The following BICC1 variants were observed in gnomAD, a reference collection of about 807,000 sequenced individuals.
BICC1 encodes the protein BicC family RNA binding protein 1.
In BICC1, 43 loss-of-function variants were observed where a neutral mutation model predicts 111.0. The ratio of observed to expected loss-of-function variants is 0.39; its 90% CI spans 0.30 to 0.50. The LOEUF is 0.50. Ranked by LOEUF, BICC1 falls within the 20% of genes least tolerant of loss-of-function variation. The probability of loss-of-function intolerance (pLI) is 0.88; values close to 1 mark genes in which losing one functional copy is unlikely to be tolerated. For synonymous variants in BICC1, 467 were observed against 434.4 expected, an observed-to-expected ratio of 1.07 and a Z score of -0.93; for missense variants, 1,091 against 1,203.2, an observed-to-expected ratio of 0.91 and a Z score of 1.38.
chr10:58,822,629 T>A (rs2132980429), intron 20 of BICC1, among the ~76,000 whole-genome samples: 1 of 152,286 alleles, frequency 6.6e-6, no homozygotes, highest in African/African-American at 2.4e-5. Context: ...AAGGACTTGA[T>A]TATTTTAAGA....
rs147531754 is a variant in BICC1, at chr10:58,557,378, GAGCTTCTTGGATTTAT to G, written c.190+44051_190+44066del. ...TTTCATGTGTTCAGTGGAGTTCATT[GAGCTTCTTGGATTTAT>G]AGCTTTATTGTTTTCATTAGATTTG... On this transcript the variant is annotated intron_variant, in intron 1 of 20. Coordinates refer to ENST00000373886, the MANE Select transcript of BICC1 (RefSeq NM_001080512.3). 5.7e-3 allele frequency among the ~76,000 whole-genome samples: 842 copies of G among 148,948 alleles called. 7 individuals are homozygous for G. Among genetic ancestry groups the G allele is most frequent in the African/African-American group, 0.02 (804 of 40,616 alleles).
chr10:58,527,637 A>G (rs1842579849), intron 1 of BICC1, among the ~76,000 whole-genome samples: 1 of 152,156 alleles, frequency 6.6e-6, no homozygotes, highest in South Asian at 2.1e-4. Flanking sequence ...AGCTTTCTAC[A>G]TACGGCTAGC....
At chr10:58,681,342 G>C (rs1300784417) in intron 2 of BICC1, among the ~76,000 whole-genome samples, 1 of 152,152 alleles carries the variant, frequency 6.6e-6, no homozygotes, top group East Asian at 1.9e-4. Context: ...CAAAAAGTGG[G>C]TGAAGGATAT....
chr10:58,707,282 A>G (rs1038648968), intron 3 of BICC1, among the ~76,000 whole-genome samples: 1 of 152,198 alleles, frequency 6.6e-6, no homozygotes, highest in Non-Finnish European at 1.5e-5. Flanking sequence ...TTTGTTGAGT[A>G]TGCTTACACT....
At chr10:58,672,180 C>T (rs1839205061) in intron 2 of BICC1, among the ~76,000 whole-genome samples, 1 of 152,126 alleles carries the variant, frequency 6.6e-6, no homozygotes, top group African/African-American at 2.4e-5. Flanking sequence ...TCATCACCAT[C>T]CATCTCCAGA....
chr10:58,825,741 A>G (rs112170061), intron 20 of BICC1, among the ~76,000 whole-genome samples: 1 of 152,224 alleles, frequency 6.6e-6, no homozygotes, highest in Admixed American at 6.5e-5. Context: ...TAATCTCTCC[A>G]GTAAGTTGCA....
intron 2 of BICC1, among the ~76,000 whole-genome samples, chr10:58,669,272 AGGATTTT>A (rs1356764245): frequency 6.6e-6 from 1 of 151,980 alleles, no homozygotes; most frequent in African/African-American, 2.4e-5. Flanking sequence ...TGGGTTCCAA[AGGATTTT>A]GGATTTTGGA....
chr10:58,535,562 C>T (rs1341964150), intron 1 of BICC1, among the ~76,000 whole-genome samples: 2 of 151,690 alleles, frequency 1.3e-5, no homozygotes, highest in Non-Finnish European at 3.0e-5. Context: ...ACCAATGTTA[C>T]AAGAAATGCT....
intron 2 of BICC1, among the ~76,000 whole-genome samples, chr10:58,671,333 C>A (rs1029071373): frequency 6.6e-6 from 1 of 152,144 alleles, no homozygotes; most frequent in African/African-American, 2.4e-5. Context: ...ACCTCAGTAA[C>A]CCAAGATTCT....
rs553718735 is a variant in BICC1 at position 58,668,694 on chromosome 10, A to G, written c.238-33380A>G. On this transcript the variant is annotated intron_variant, in intron 2 of 20. Coordinates refer to ENST00000373886, the MANE Select transcript of BICC1 (RefSeq NM_001080512.3). ...CGTTACTTCATTTTGGGCCAGTTAC[A>G]GTAAACCAGAACCTAGGAACTTGCA... is the stretch of plus-strand genomic sequence containing the variant. Among the ~76,000 whole-genome samples the G allele has an allele frequency of 2.2e-4, 33 of 152,230 alleles. No individual in the cohort carries two copies. The South Asian group carries it at 6.8e-3, about 32-fold the overall frequency.
chr10:58,762,504 GT>G (rs1842343898), intron 3 of BICC1, among the ~76,000 whole-genome samples: 1 of 152,058 alleles, frequency 6.6e-6, no homozygotes, highest in Non-Finnish European at 1.5e-5. Flanking sequence ...TTTTTTGTTT[GT>G]TTGTTTGTTT....
chr10:58,612,250 G>T (rs1178931945), intron 1 of BICC1, among the ~76,000 whole-genome samples: 1 of 152,160 alleles, frequency 6.6e-6, no homozygotes. Context: ...TCAGAGCTTT[G>T]CATGCCATTC....
At chr10:58,769,307 CAT>C (rs1258386354) in intron 3 of BICC1, among the ~76,000 whole-genome samples, 72 of 130,256 alleles carry the variant, frequency 5.5e-4, no homozygotes, top group African/African-American at 1.8e-3. Flanking sequence ...CACACACACA[CAT>C]GCACACGCAC....
At chr10:58,788,950 G>A (rs1843093108) in intron 6 of BICC1, among the ~76,000 whole-genome samples, 1 of 152,058 alleles carries the variant, frequency 6.6e-6, no homozygotes, top group Non-Finnish European at 1.5e-5. Context: ...AAATTAGCCA[G>A]GTATGGTGGC....
chr10:58,526,823 A>G (rs953307000), intron 1 of BICC1, among the ~76,000 whole-genome samples: 13 of 152,120 alleles, frequency 8.5e-5, no homozygotes, highest in Admixed American at 7.9e-4. Flanking sequence ...AATTCAGTCT[A>G]TCATTGATGG....
At chr10:58,573,312 A>G (rs901674317) in intron 1 of BICC1, among the ~76,000 whole-genome samples, 1 of 152,152 alleles carries the variant, frequency 6.6e-6, no homozygotes, top group Non-Finnish European at 1.5e-5. Flanking sequence ...TTCATCCAAC[A>G]CAAACTCCAA....
intron 9 of BICC1, among the ~76,000 whole-genome samples, chr10:58,794,077 A>G (rs750838143): frequency 2.6e-5 from 4 of 152,060 alleles, no homozygotes; most frequent in Non-Finnish European, 2.9e-5. Flanking sequence ...GTTAAATGAG[A>G]AGGAAAGAAC....
intron 10 of BICC1, among the ~76,000 whole-genome samples, chr10:58,796,977 G>A (rs1843376136): frequency 1.3e-5 from 2 of 152,140 alleles, no homozygotes; most frequent in Non-Finnish European, 2.9e-5. Flanking sequence ...ATCTCCAGTG[G>A]TTAGGCCTGC....
intron 3 of BICC1, among the ~76,000 whole-genome samples, chr10:58,764,550 A>G (rs1273487255): frequency 1.3e-5 from 2 of 152,142 alleles, no homozygotes; most frequent in Non-Finnish European, 2.9e-5. Flanking sequence ...CAGAAGGAAA[A>G]TGACCTGAGT....
Sources: gnomAD v4.1 joint callset for allele counts (sites outside exome capture counted in the v4.1 genomes callset) on GRCh38, gnomAD v4.1.1 for gene constraint, MANE v1.5 for transcripts, NCBI Gene and HGNC (gene_info 2026-07-23, HGNC 2026-07-21) for gene names.